Variants in GFRA1 observed in about 807,000 individuals in gnomAD.
GFRA1 encodes the protein GDNF family receptor alpha 1.
A neutral mutation model predicts 51.6 loss-of-function variants in GFRA1; 16 were observed. The ratio of observed to expected loss-of-function variants is 0.31; its 90% CI spans 0.21 to 0.47. The LOEUF is 0.47. Ranked by LOEUF, GFRA1 falls within the 20% of genes least tolerant of loss-of-function variation. The probability of loss-of-function intolerance (pLI) is 1.00; values close to 1 mark genes in which losing one functional copy is unlikely to be tolerated. For missense variants in GFRA1, 530 were observed against 594.3 expected (o/e 0.89, Z 1.13); for synonymous variants, 270 against 241.3 (o/e 1.12, Z -1.10).
At chr10:116,273,047 A>C (rs1844076019) in intron 1 of GFRA1, 116 bp downstream of exon 1, 1 of 151,992 alleles carries the variant, frequency 6.6e-6, no homozygotes, top group Non-Finnish European at 1.5e-5. Context: ...AAGTTGGGAG[A>C]CGCCAGCAAA....
At chr10:116,248,389 C>A (rs1968045492) in intron 4 of GFRA1, among the ~76,000 whole-genome samples, 1 of 152,170 alleles carries the variant, frequency 6.6e-6, no homozygotes. Flanking sequence ...TGGAGCCTTA[C>A]AGGGCATGAA....
intron 6 of GFRA1, among the ~76,000 whole-genome samples, chr10:116,123,752 C>G (rs1342959316): frequency 2.0e-5 from 3 of 152,112 alleles, no homozygotes; most frequent in African/African-American, 7.2e-5. Flanking sequence ...CTACCTGCTT[C>G]GATCAGCAAT....
chr10:116,116,440 T>C (rs948122867), intron 6 of GFRA1, among the ~76,000 whole-genome samples: 3 of 152,234 alleles, frequency 2.0e-5, no homozygotes, highest in African/African-American at 7.2e-5. Context: ...GCCAGATCCC[T>C]GATGTCCACT....
At chr10:116,119,972 T>G (rs1209752807) in intron 6 of GFRA1, among the ~76,000 whole-genome samples, 1 of 152,250 alleles carries the variant, frequency 6.6e-6, no homozygotes, top group Non-Finnish European at 1.5e-5. Context: ...GCATGTGCTG[T>G]TCTCCTGGAG....
chr10:116,171,761 C>A (rs1003374638), intron 5 of GFRA1, among the ~76,000 whole-genome samples: 1 of 152,166 alleles, frequency 6.6e-6, no homozygotes, highest in African/African-American at 2.4e-5. Flanking sequence ...CTGCTCAGAT[C>A]AAGGAGTCAT....
At chr10:116,145,737 T>C (rs150274405) in intron 5 of GFRA1, among the ~76,000 whole-genome samples, 111 of 152,286 alleles carry the variant, frequency 7.3e-4, no homozygotes, top group African/African-American at 2.6e-3. Flanking sequence ...CTCACACATA[T>C]TAGTATGTAC....
chr10:116,264,333 AG>A (rs768131038), intron 4 of GFRA1, among the ~76,000 whole-genome samples: 3 of 152,180 alleles, frequency 2.0e-5, no homozygotes, highest in Non-Finnish European at 2.9e-5. Context: ...ATAAAAACAG[AG>A]TACTGGACTA....
chr10:116,249,483 C>T (rs895026711), intron 4 of GFRA1, among the ~76,000 whole-genome samples: 27 of 152,164 alleles, frequency 1.8e-4, no homozygotes, highest in African/African-American at 5.3e-4. Context: ...CCTTCTGATA[C>T]GTCCTAAGTG....
At chr10:116,168,454 G>T (rs1219785197) in intron 5 of GFRA1, among the ~76,000 whole-genome samples, 1 of 152,150 alleles carries the variant, frequency 6.6e-6, no homozygotes, top group Non-Finnish European at 1.5e-5. Flanking sequence ...TCCCATGCTG[G>T]GTGGCCCTGG....
chr10:116,208,219 T>C (rs774237550), intron 5 of GFRA1, among the ~76,000 whole-genome samples: 6 of 152,028 alleles, frequency 3.9e-5, no homozygotes, highest in African/African-American at 7.2e-5. Flanking sequence ...CTGGCCCTAC[T>C]TGTCATTCTC....
intron 4 of GFRA1, among the ~76,000 whole-genome samples, chr10:116,223,398 C>T (rs1443199314): frequency 6.6e-6 from 1 of 152,188 alleles, no homozygotes; most frequent in East Asian, 1.9e-4. Context: ...ATGTGAACTA[C>T]AGGTATTTCA....
chr10:116,206,348 G>A (rs184290824), intron 5 of GFRA1, among the ~76,000 whole-genome samples: 1 of 152,228 alleles, frequency 6.6e-6, no homozygotes, highest in East Asian at 1.9e-4. Flanking sequence ...GTAAACCTAA[G>A]ACGAAGGCCG....
intron 4 of GFRA1, among the ~76,000 whole-genome samples, chr10:116,267,714 C>T (rs116056023): frequency 0.011 from 1,604 of 152,222 alleles, 34 homozygotes; most frequent in African/African-American, 0.036. Flanking sequence ...AACACCCCAT[C>T]CCAGTTTCTA....
intron 5 of GFRA1, among the ~76,000 whole-genome samples, chr10:116,152,936 A>G (rs909969575): frequency 6.6e-6 from 1 of 152,226 alleles, no homozygotes; most frequent in African/African-American, 2.4e-5. Context: ...AAGTGCTTTT[A>G]TTGAGCACTG....
intron 6 of GFRA1, among the ~76,000 whole-genome samples, chr10:116,107,111 C>T (rs529692164): frequency 9.2e-5 from 14 of 152,306 alleles, no homozygotes; most frequent in African/African-American, 2.6e-4. Context: ...CAGGTTATCT[C>T]TTTATAGCAA....
intron 6 of GFRA1, among the ~76,000 whole-genome samples, chr10:116,101,772 G>A (rs1209617921): frequency 1.3e-5 from 2 of 152,114 alleles, no homozygotes; most frequent in East Asian, 1.9e-4. Flanking sequence ...AAGACACGTG[G>A]TTGGTGGAAT....
intron 4 of GFRA1, among the ~76,000 whole-genome samples, chr10:116,263,434 C>G (rs1256760519): frequency 6.6e-6 from 1 of 152,178 alleles, no homozygotes. Context: ...ACCCATGGAA[C>G]CTGAGGCACA....
At chr10:116,066,818 T>C (rs1026372357) in intron 9 of GFRA1, among the ~76,000 whole-genome samples, 3 of 152,226 alleles carry the variant, frequency 2.0e-5, no homozygotes, top group African/African-American at 7.2e-5. Context: ...GTCAACGGGC[T>C]GAGCCCTGGT....
At chr10:116,091,326 C>T (rs771797512) in intron 8 of GFRA1, among the ~76,000 whole-genome samples, 6 of 152,192 alleles carry the variant, frequency 3.9e-5, no homozygotes, top group Non-Finnish European at 7.3e-5. Context: ...AGTCCATGCC[C>T]TCATGGAGGT....
Sources: gnomAD v4.1 joint callset for allele counts (sites outside exome capture counted in the v4.1 genomes callset) on GRCh38, gnomAD v4.1.1 for gene constraint, MANE v1.5 for transcripts, NCBI Gene and HGNC (gene_info 2026-07-23, HGNC 2026-07-21) for gene names.